DTNA: variants seen among roughly 807,000 people sequenced by gnomAD.
DTNA encodes the protein dystrobrevin alpha, also known as dystrophin-related protein 3.
Under a neutral mutation model 100.7 loss-of-function variants are expected in DTNA, and 43 were observed. The observed-to-expected ratio is 0.43, with a 90% CI of 0.33 to 0.55. The LOEUF is 0.55. DTNA is among the 20% of genes least tolerant of loss of function. The pLI is 0.04. For missense variants in DTNA, 798 were observed against 953.9 expected, an observed-to-expected ratio of 0.84 and a Z score of 2.15; for synonymous variants, 349 against 347.9, an observed-to-expected ratio of 1.00 and a Z score of -0.04.
chr18:34,629,173 C>T (rs1379733465), intron 1 of DTNA, among the ~76,000 whole-genome samples: 1 of 152,128 alleles, frequency 6.6e-6, no homozygotes, highest in African/African-American at 2.4e-5. Context: ...TACAGCTCAA[C>T]TTCAGCTTCA....
At chr18:34,843,901 AAG>A (rs2096323031) in intron 13 of DTNA, among the ~76,000 whole-genome samples, 1 of 152,130 alleles carries the variant, frequency 6.6e-6, no homozygotes, top group African/African-American at 2.4e-5. Context: ...TGAAAGAAAA[AAG>A]AAATTATAAT....
At chr18:34,706,051 G>A (rs1229093821), upstream of DTNA, among the ~76,000 whole-genome samples, 2 of 152,124 alleles carry the variant, frequency 1.3e-5, no homozygotes, top group Admixed American at 6.5e-5. Flanking sequence ...AGGTACAAGC[G>A]ATTCTCCTGC....
chr18:34,701,496 C>T (rs1054689125), intron 1 of DTNA, among the ~76,000 whole-genome samples: 6 of 152,124 alleles, frequency 3.9e-5, no homozygotes, highest in African/African-American at 1.4e-4. Flanking sequence ...TCGATGTGTG[C>T]AGTCTCTTCT....
intron 14 of DTNA, among the ~76,000 whole-genome samples, chr18:34,850,183 A>G (rs1345041366): frequency 1.3e-5 from 2 of 152,226 alleles, no homozygotes; most frequent in Non-Finnish European, 2.9e-5. Context: ...TAGAAAGGAG[A>G]TAGAACGGTC....
chr18:34,838,807 A>G lies in DTNA; in HGVS notation c.1316A>G (p.Tyr439Cys), dbSNP rs186573363. The G allele has an allele frequency of 6.2e-7, 1 of 1,613,736 alleles. No homozygotes were observed. The highest frequency in any genetic ancestry group is 1.1e-5 in the South Asian group (1 of 91,086). ...LADEHVLIGL[Y>C]VNMLRNNPSC... Reference sequence around the variant, plus strand: ...GATGAACATGTTCTCATCGGGTTGTATGTCAACATGCTCCGGAACAACCCC... The same window carrying G: ...GATGAACATGTTCTCATCGGGTTGTGTGTCAACATGCTCCGGAACAACCCC... Residue 439 changes from tyrosine (Y) to cysteine (C), a missense_variant, in exon 13 of 23, where the codon TAT becomes TGT. By Grantham distance (194) the Tyr-to-Cys change is radical. Coordinates refer to ENST00000444659, the MANE Select transcript of DTNA (RefSeq NM_001386795.1).
chr18:34,689,429 G>A (rs1483113076), intron 1 of DTNA, among the ~76,000 whole-genome samples: 2 of 152,124 alleles, frequency 1.3e-5, no homozygotes, highest in African/African-American at 4.8e-5. Context: ...GGAGTTTGCT[G>A]GAGGTCCACT....
At chr18:34,800,574 G>A (rs903890672) in intron 4 of DTNA, among the ~76,000 whole-genome samples, 1 of 152,202 alleles carries the variant, frequency 6.6e-6, no homozygotes, top group Admixed American at 6.5e-5. Context: ...AGAAAGAGCA[G>A]TTTGAGTGCT....
At chr18:34,810,836 CAGAT>C (rs1056938305) in intron 5 of DTNA, among the ~76,000 whole-genome samples, 17 of 152,246 alleles carry the variant, frequency 1.1e-4, no homozygotes, top group Admixed American at 7.2e-4. Flanking sequence ...TTTTTTTACT[CAGAT>C]AGAATCTCTA....
intron 3 of DTNA, among the ~76,000 whole-genome samples, chr18:34,781,500 GT>G (rs987183186): frequency 1.3e-5 from 2 of 151,678 alleles, no homozygotes; most frequent in East Asian, 1.9e-4. Flanking sequence ...GGCCTTAAAA[GT>G]TTTTTTTAAC....
intron 1 of DTNA, among the ~76,000 whole-genome samples, chr18:34,631,151 G>A (rs906520028): frequency 1.3e-5 from 2 of 152,160 alleles, no homozygotes; most frequent in African/African-American, 2.4e-5. Context: ...TAGTAGAGGG[G>A]TTTAAAGCAC....
chr18:34,626,720 G>C (rs1017752383), intron 1 of DTNA, among the ~76,000 whole-genome samples: 3 of 152,196 alleles, frequency 2.0e-5, no homozygotes, highest in Non-Finnish European at 4.4e-5. Context: ...TAATGTGGCT[G>C]AATTTTTGTA....
At chr18:34,632,904 A>G (rs9959793) in intron 1 of DTNA, among the ~76,000 whole-genome samples, 8,688 of 152,238 alleles carry the variant, frequency 0.057, 751 homozygotes, top group African/African-American at 0.19. Context: ...GTTATGTTAT[A>G]TACCAGATTA....
chr18:34,813,488 A>G (rs2095528152), intron 6 of DTNA, among the ~76,000 whole-genome samples: 2 of 151,608 alleles, frequency 1.3e-5, no homozygotes, highest in African/African-American at 2.4e-5. Flanking sequence ...AAATGCATAC[A>G]ACAAATGCTC....
intron 1 of DTNA, among the ~76,000 whole-genome samples, chr18:34,535,373 A>T (rs1435410926): frequency 1.3e-5 from 2 of 152,062 alleles, no homozygotes; most frequent in African/African-American, 2.4e-5. Context: ...TTTCTTGTAG[A>T]TTCTGGATTA....
chr18:34,513,763 T>C (rs2041319162), intron 1 of DTNA: 1 of 152,106 alleles, frequency 6.6e-6, no homozygotes, highest in Non-Finnish European at 1.5e-5. Context: ...TATCTAAACA[T>C]TCTGAGAAGC....
At chr18:34,688,369 T>G (rs1218236085) in intron 1 of DTNA, among the ~76,000 whole-genome samples, 4 of 152,236 alleles carry the variant, frequency 2.6e-5, no homozygotes, top group African/African-American at 9.6e-5. Context: ...TTTGCTTGTC[T>G]GTAAGGGATT....
chr18:34,810,249 C>T (rs1287467877), intron 5 of DTNA, among the ~76,000 whole-genome samples: 5 of 152,052 alleles, frequency 3.3e-5, no homozygotes, highest in Admixed American at 1.3e-4. Flanking sequence ...TTTGCCTCTA[C>T]GCCTACCCAT....
At chr18:34,706,214 C>G (rs2082100413), upstream of DTNA, among the ~76,000 whole-genome samples, 1 of 152,182 alleles carries the variant, frequency 6.6e-6, no homozygotes, top group Non-Finnish European at 1.5e-5. Context: ...TCCCAAAGTG[C>G]TGGGATTACA....
chr18:34,825,308 A>G, intron 9 of DTNA: 1 of 1,613,046 alleles, frequency 6.2e-7, no homozygotes, highest in Non-Finnish European at 8.5e-7. Flanking sequence ...GTCTACTTAC[A>G]AAGATGTATA....
Sources: allele counts gnomAD v4.1 joint callset (sites outside exome capture counted in the v4.1 genomes callset), GRCh38; gene constraint gnomAD v4.1.1; transcripts MANE v1.5; gene names NCBI Gene and HGNC (gene_info 2026-07-23, HGNC 2026-07-21).